CFAP299: variants seen among roughly 807,000 people sequenced by gnomAD.
CFAP299 encodes cilia and flagella associated protein 299.
Under a neutral mutation model 27.0 loss-of-function variants are expected in CFAP299, and 21 were observed. The ratio of observed to expected loss-of-function variants is 0.78; its 90% CI spans 0.55 to 1.12. The LOEUF is 1.12. Among genes scored for constraint, CFAP299 ranks in the 50% most tolerant of loss-of-function variants. CFAP299 has a pLI of 0.00. For missense variants in CFAP299, 310 were observed against 276.6 expected (o/e 1.12, Z -0.86); for synonymous variants, 104 against 98.1 (o/e 1.06, Z -0.36).
At chr4:80,521,127 A>G (rs532644005) in intron 2 of CFAP299, among the ~76,000 whole-genome samples, 1 of 152,314 alleles carries the variant, frequency 6.6e-6, no homozygotes, top group South Asian at 2.1e-4. Flanking sequence ...TAGCATAACA[A>G]AAGTAAGTAT....
chr4:80,429,695 C>G (rs944695460), intron 2 of CFAP299, among the ~76,000 whole-genome samples: 3 of 151,992 alleles, frequency 2.0e-5, no homozygotes, highest in African/African-American at 7.3e-5. Context: ...ATCATAATAA[C>G]TATGTAATAG....
intron 3 of CFAP299, among the ~76,000 whole-genome samples, chr4:80,714,279 G>A (rs1722349499): frequency 6.6e-6 from 1 of 152,038 alleles, no homozygotes; most frequent in South Asian, 2.1e-4. Context: ...GGGCTGCTTT[G>A]TGGAAGGACT....
At chr4:80,733,353 T>A (rs867586061) in intron 3 of CFAP299, among the ~76,000 whole-genome samples, 2 of 152,122 alleles carry the variant, frequency 1.3e-5, no homozygotes, top group Admixed American at 1.3e-4. Context: ...TTGGTGCATA[T>A]ATTTATGGGG....
intron 3 of CFAP299, among the ~76,000 whole-genome samples, chr4:80,822,683 G>C (rs1225120435): frequency 6.6e-6 from 1 of 152,150 alleles, no homozygotes; most frequent in Non-Finnish European, 1.5e-5. Context: ...TGAACCCAAA[G>C]TTGTAACATG....
chr4:80,881,824 C>T (rs1383063048), intron 4 of CFAP299, among the ~76,000 whole-genome samples: 1 of 152,070 alleles, frequency 6.6e-6, no homozygotes, highest in Non-Finnish European at 1.5e-5. Flanking sequence ...CAGTGAGTTA[C>T]AAGAGAACGT....
In CFAP299 at chr4:80,611,475, A is replaced by G. The variant is rs544248659; in HGVS notation, c.333+28292A>G. 2.1e-4 allele frequency among the ~76,000 whole-genome samples: 32 copies of G among 152,188 alleles called. No individual in the cohort carries two copies. The South Asian group carries it at 6.0e-3, about 29-fold the overall frequency. ...GCAATCTAAATGTGCCCTTTAGCAC[A>G]CTTGTTCTGTTTATTTTTTCTAAGT... On this transcript the variant is annotated intron_variant, in intron 3 of 5. Coordinates refer to ENST00000358105, the MANE Select transcript of CFAP299 (RefSeq NM_152770.3).
chr4:80,459,676 A>C (rs949431643), intron 2 of CFAP299, among the ~76,000 whole-genome samples: 9 of 152,168 alleles, frequency 5.9e-5, no homozygotes, highest in Non-Finnish European at 7.3e-5. Flanking sequence ...AAGAAAAAAA[A>C]CAGAAAAACT....
intron 3 of CFAP299, among the ~76,000 whole-genome samples, chr4:80,601,171 G>A (rs1001159606): frequency 6.6e-6 from 1 of 152,122 alleles, no homozygotes; most frequent in Non-Finnish European, 1.5e-5. Flanking sequence ...TCAAAGAGGT[G>A]ATAACTTATT....
At chr4:80,732,294 C>T (rs188173477) in intron 3 of CFAP299, among the ~76,000 whole-genome samples, 112 of 40,262 alleles carry the variant, frequency 2.8e-3, no homozygotes, top group Non-Finnish European at 4.9e-3. Flanking sequence ...CCTTAAACTA[C>T]GAGTTTCTGC....
intron 3 of CFAP299, among the ~76,000 whole-genome samples, chr4:80,679,240 C>T (rs1719672095): frequency 6.6e-6 from 1 of 151,960 alleles, no homozygotes; most frequent in African/African-American, 2.4e-5. Flanking sequence ...CATGTAGGAA[C>T]GCTTTATTCC....
intron 3 of CFAP299, among the ~76,000 whole-genome samples, chr4:80,868,905 C>CTCTCTGTGTGTGTGTGTGTG (rs1435285713): frequency 7.3e-6 from 1 of 137,576 alleles, no homozygotes; most frequent in African/African-American, 2.8e-5. Context: ...GCTTCTCTCT[C>CTCTCTGTGTGTGTGTGTGTG]TGTGTGTGTG....
At chr4:80,780,323 C>A (rs907852822) in intron 3 of CFAP299, among the ~76,000 whole-genome samples, 34 of 152,050 alleles carry the variant, frequency 2.2e-4, no homozygotes, top group African/African-American at 8.2e-4. Flanking sequence ...TGCTGATGAT[C>A]TCTCTATGCC....
At chr4:80,718,937 A>G (rs1448736230) in intron 3 of CFAP299, among the ~76,000 whole-genome samples, 1 of 152,174 alleles carries the variant, frequency 6.6e-6, no homozygotes, top group African/African-American at 2.4e-5. Context: ...TGGTACATAT[A>G]CACCATGGAA....
At chr4:80,503,910 A>G (rs866427583) in intron 2 of CFAP299, among the ~76,000 whole-genome samples, 1 of 152,182 alleles carries the variant, frequency 6.6e-6, no homozygotes, top group South Asian at 2.1e-4. Flanking sequence ...TCATTTATCC[A>G]GCATGTAATT....
At chr4:80,415,262 T>C (rs1036536926) in intron 2 of CFAP299, among the ~76,000 whole-genome samples, 1 of 152,178 alleles carries the variant, frequency 6.6e-6, no homozygotes, top group Non-Finnish European at 1.5e-5. Flanking sequence ...GCCTAAGAAA[T>C]GACTTACAGA....
At chr4:80,628,729 G>A (rs1050220697) in intron 3 of CFAP299, among the ~76,000 whole-genome samples, 12 of 152,092 alleles carry the variant, frequency 7.9e-5, no homozygotes, top group Non-Finnish European at 4.4e-5. Context: ...TGAAACAAAA[G>A]CTCAATATTA....
At chr4:80,467,118 A>G (rs1729743074) in intron 2 of CFAP299, among the ~76,000 whole-genome samples, 3 of 152,184 alleles carry the variant, frequency 2.0e-5, no homozygotes, top group South Asian at 4.1e-4. Flanking sequence ...GAGCAGTAGT[A>G]TGTTGGAGCC....
At chr4:80,871,375 C>CT in intron 4 of CFAP299, 1 of 985,406 alleles carries the variant, frequency 1.0e-6, no homozygotes, top group Non-Finnish European at 1.2e-6. Context: ...TTTCACTGCA[C>CT]TTGTAGCTAC....
chr4:80,560,562 C>T (rs1734990512), intron 2 of CFAP299, among the ~76,000 whole-genome samples: 1 of 151,954 alleles, frequency 6.6e-6, no homozygotes, highest in African/African-American at 2.4e-5. Flanking sequence ...TGAACCTGCC[C>T]TAGGCCAGAG....
Sources: allele counts gnomAD v4.1 joint callset (sites outside exome capture counted in the v4.1 genomes callset), GRCh38; gene constraint gnomAD v4.1.1; transcripts MANE v1.5; gene names NCBI Gene and HGNC (gene_info 2026-07-23, HGNC 2026-07-21).